NCAM2: variants seen among roughly 807,000 people sequenced by gnomAD.
NCAM2 encodes N-CAM-2.
A neutral mutation model predicts 98.1 loss-of-function variants in NCAM2; 30 were observed. The observed-to-expected ratio is 0.31, with a 90% confidence interval of 0.23 to 0.41. NCAM2 has a LOEUF of 0.41. NCAM2 is among the 10% of genes least tolerant of loss of function. The pLI is 1.00. For missense variants in NCAM2, 867 were observed against 1,005.8 expected (o/e 0.86, Z 1.87); for synonymous variants, 368 against 342.4 (o/e 1.07, Z -0.83).
rs1210509268 is a variant in NCAM2, at chr21:21,486,317, A to AAAAAC, written c.2077+8850_2077+8851insCAAAA. Among the ~76,000 whole-genome samples, 4 of 151,014 alleles carry AAAAAC rather than the reference A, an allele frequency of 2.6e-5. 1 individual carries two copies. Among genetic ancestry groups the AAAAAC allele is most frequent in the African/African-American group, 9.7e-5 (4 of 41,252 alleles). On this transcript the variant is annotated intron_variant, in intron 15 of 17. Transcript: ENST00000400546. ...AGACTCCGTCTCAAAAAAAAAAAAAAAAAAAAAAAAACTTCTGCTTCCCTC... is the reference window on the plus strand; with the variant it reads ...AGACTCCGTCTCAAAAAAAAAAAAAAAAAACAAAAAAAAAAACTTCTGCTTCCCTC...
At chr21:21,424,590 T>C (rs2077175622) in intron 11 of NCAM2, among the ~76,000 whole-genome samples, 1 of 152,134 alleles carries the variant, frequency 6.6e-6, no homozygotes, top group Non-Finnish European at 1.5e-5. Context: ...AGGTTACACT[T>C]GTACATAGGC....
chr21:21,059,720 T>A (rs2065283068), intron 1 of NCAM2, among the ~76,000 whole-genome samples: 3 of 152,082 alleles, frequency 2.0e-5, no homozygotes, highest in Admixed American at 2.0e-4. Context: ...AATGAGGATG[T>A]TTTATCCCAC....
intron 1 of NCAM2, among the ~76,000 whole-genome samples, chr21:21,251,933 G>T (rs1045264300): frequency 2.6e-5 from 4 of 151,986 alleles, no homozygotes; most frequent in African/African-American, 9.7e-5. Flanking sequence ...TTTGGCTTTT[G>T]CTGCAATTGC....
chr21:21,232,899 C>T (rs1164011314), intron 1 of NCAM2, among the ~76,000 whole-genome samples: 3 of 151,436 alleles, frequency 2.0e-5, no homozygotes. Flanking sequence ...AATGTTGGTT[C>T]TTGAAGACCT....
intron 1 of NCAM2, among the ~76,000 whole-genome samples, chr21:21,269,176 T>A (rs945813385): frequency 6.6e-6 from 1 of 152,200 alleles, no homozygotes; most frequent in Admixed American, 6.6e-5. Context: ...CTTTGTAAAC[T>A]GTGTTTTCTT....
intron 1 of NCAM2, among the ~76,000 whole-genome samples, chr21:21,271,662 A>G (rs1299540043): frequency 6.6e-6 from 1 of 152,174 alleles, no homozygotes; most frequent in Admixed American, 6.6e-5. Flanking sequence ...TATTTGGAGT[A>G]CTCATGTATG....
At chr21:21,058,289 A>ATG (rs1354214775) in intron 1 of NCAM2, among the ~76,000 whole-genome samples, 1 of 151,906 alleles carries the variant, frequency 6.6e-6, no homozygotes, top group Non-Finnish European at 1.5e-5. Flanking sequence ...CCCACTTGCT[A>ATG]TGTGTGTGTG....
chr21:21,514,498 T>A (rs758081599), intron 16 of NCAM2, among the ~76,000 whole-genome samples: 21 of 138,908 alleles, frequency 1.5e-4, no homozygotes, highest in Admixed American at 3.7e-4. Flanking sequence ...AAAAAAAAAA[T>A]GTTTTCTCTG....
intron 15 of NCAM2, among the ~76,000 whole-genome samples, chr21:21,479,117 A>G (rs968004011): frequency 3.3e-5 from 5 of 152,148 alleles, no homozygotes; most frequent in East Asian, 3.9e-4. Flanking sequence ...AATTTAGTGT[A>G]TATATTTTGA....
intron 9 of NCAM2, among the ~76,000 whole-genome samples, chr21:21,394,359 C>T (rs969989212): frequency 6.6e-6 from 1 of 151,220 alleles, no homozygotes; most frequent in Non-Finnish European, 1.5e-5. Flanking sequence ...TTGGTAGTTT[C>T]CCTCAGCATA....
At chr21:21,275,979 G>C (rs2072713820) in intron 1 of NCAM2, among the ~76,000 whole-genome samples, 4 of 152,078 alleles carry the variant, frequency 2.6e-5, no homozygotes, top group African/African-American at 9.7e-5. Flanking sequence ...TTCTAGATGA[G>C]ATGGACCTTG....
At chr21:21,065,806 T>C (rs1406505187) in intron 1 of NCAM2, among the ~76,000 whole-genome samples, 1 of 152,210 alleles carries the variant, frequency 6.6e-6, no homozygotes, top group Non-Finnish European at 1.5e-5. Flanking sequence ...AAACGGTTTA[T>C]ATGTAAGAGT....
At chr21:21,486,875 A>G (rs569970555) in intron 15 of NCAM2, among the ~76,000 whole-genome samples, 1 of 152,294 alleles carries the variant, frequency 6.6e-6, no homozygotes, top group Non-Finnish European at 1.5e-5. Flanking sequence ...ATATACATTT[A>G]AAGAGTTGTT....
intron 1 of NCAM2, among the ~76,000 whole-genome samples, chr21:21,228,536 T>G (rs903336871): frequency 2.6e-5 from 4 of 151,464 alleles, no homozygotes; most frequent in Non-Finnish European, 4.4e-5. Flanking sequence ...GAAGTACCTC[T>G]TCATGAATCA....
intron 6 of NCAM2, 121 bp from the exon 7 acceptor site, chr21:21,335,384 G>T: frequency 3.2e-6 from 2 of 624,374 alleles, no homozygotes; most frequent in Non-Finnish European, 2.5e-6. Context: ...TTGGAATATA[G>T]CCCTGTCTTT....
At chr21:21,365,577 A>G (rs1343965251) in intron 8 of NCAM2, among the ~76,000 whole-genome samples, 1 of 151,932 alleles carries the variant, frequency 6.6e-6, no homozygotes, top group Non-Finnish European at 1.5e-5. Flanking sequence ...AAAAACAGAA[A>G]CAGTATCAAT....
At chr21:21,287,279 G>T (rs1011354388) in intron 4 of NCAM2, among the ~76,000 whole-genome samples, 1 of 151,950 alleles carries the variant, frequency 6.6e-6, no homozygotes. Context: ...ACAGCATAAA[G>T]AAGAGACAGA....
At chr21:21,128,507 TA>T (rs1458672179) in intron 1 of NCAM2, among the ~76,000 whole-genome samples, 1 of 152,116 alleles carries the variant, frequency 6.6e-6, no homozygotes, top group Non-Finnish European at 1.5e-5. Flanking sequence ...TTAAGACAAC[TA>T]ATGAAAAAGA....
intron 1 of NCAM2, among the ~76,000 whole-genome samples, chr21:21,255,936 A>T (rs1050323680): frequency 1.3e-5 from 2 of 152,192 alleles, no homozygotes; most frequent in Non-Finnish European, 2.9e-5. Flanking sequence ...CCAACAACAT[A>T]GAGAATTATG....
Sources: allele counts gnomAD v4.1 joint callset (sites outside exome capture counted in the v4.1 genomes callset), GRCh38; gene constraint gnomAD v4.1.1; transcripts MANE v1.5; gene names NCBI Gene and HGNC (gene_info 2026-07-23, HGNC 2026-07-21).